ANK3: variants seen among roughly 807,000 people sequenced by gnomAD.
ANK3 encodes the protein ankyrin-3.
Under a neutral mutation model 370.9 loss-of-function variants are expected in ANK3, and 57 were observed. The ratio of observed to expected loss-of-function variants is 0.15; its 90% confidence interval spans 0.12 to 0.19. The LOEUF (loss-of-function observed/expected upper bound fraction) is 0.19. Among genes scored for constraint, ANK3 ranks in the 10% least tolerant of loss-of-function variants. ANK3 has a pLI of 1.00. For missense variants in ANK3, 4,439 were observed against 5,302.1 expected (o/e 0.84, Z 5.06); for synonymous variants, 1,929 against 1,946.3 (o/e 0.99, Z 0.23).
At chr10:60,322,782 G>A (rs1429526314) in intron 1 of ANK3, among the ~76,000 whole-genome samples, 4 of 151,154 alleles carry the variant, frequency 2.6e-5, no homozygotes, top group African/African-American at 4.9e-5. Flanking sequence ...CTATTCCAGA[G>A]GGTGAAAACC....
At chr10:60,542,460 G>A (rs7074073) in intron 2 of ANK3, among the ~76,000 whole-genome samples, 102,260 of 151,600 alleles carry the variant, frequency 0.67, 34,953 homozygotes, top group South Asian at 0.87. Context: ...GTTTTATTTC[G>A]TTTTTGTTTT....
intron 25 of ANK3, among the ~76,000 whole-genome samples, chr10:60,126,284 T>C (rs180900260): frequency 8.8e-4 from 134 of 152,318 alleles, no homozygotes; most frequent in African/African-American, 3.0e-3. Context: ...TTCCTCTCTT[T>C]TCACAGATGC....
At chr10:60,459,060 G>A (rs1008268279) in intron 2 of ANK3, among the ~76,000 whole-genome samples, 4 of 152,102 alleles carry the variant, frequency 2.6e-5, no homozygotes, top group Admixed American at 1.3e-4. Flanking sequence ...ATCGAAATGA[G>A]TGATAGTGCA....
chr10:60,666,526 A>G (rs2078998220), intron 1 of ANK3, among the ~76,000 whole-genome samples: 1 of 152,158 alleles, frequency 6.6e-6, no homozygotes, highest in Non-Finnish European at 1.5e-5. Flanking sequence ...GTGTGAATGT[A>G]CTTAGTACCT....
chr10:60,043,700 G>A, intron 42 of ANK3: 1 of 985,430 alleles, frequency 1.0e-6, no homozygotes, highest in Non-Finnish European at 1.2e-6. Context: ...TGCTTTTGGA[G>A]TGCTCTCCGC....
chr10:60,414,383 C>T (rs2063618912), intron 2 of ANK3, among the ~76,000 whole-genome samples: 1 of 152,114 alleles, frequency 6.6e-6, no homozygotes, highest in African/African-American at 2.4e-5. Flanking sequence ...CAGGAATATA[C>T]AAAATTTCTC....
At chr10:60,313,186 G>A (rs1273693037) in intron 1 of ANK3, among the ~76,000 whole-genome samples, 3 of 152,152 alleles carry the variant, frequency 2.0e-5, no homozygotes, top group Admixed American at 6.5e-5. Flanking sequence ...AGGACCCTGC[G>A]GATAACATGA....
chr10:60,722,415 T>A (rs903349346), intron 1 of ANK3, among the ~76,000 whole-genome samples: 4 of 151,632 alleles, frequency 2.6e-5, no homozygotes, highest in African/African-American at 7.3e-5. Flanking sequence ...CTGCACTCCA[T>A]CCTGGGCAAC....
chr10:60,279,597 G>A lies in ANK3; in HGVS notation c.157C>T (p.His53Tyr). The change falls in exon 2 of 44, where the codon CAC (histidine) becomes TAC (tyrosine). Residue 53 changes from histidine (H) to tyrosine (Y), a missense_variant. Transcript: ENST00000280772. ...ASYLRAARAGHLEKALDYIKN... is the reference protein window; with the variant it reads ...ASYLRAARAGYLEKALDYIKN... ...ATGTAGTCGAGGGCCTTTTCAAGGTGTCCAGCTCGAGCTGCTCTTAAGTAA... is the reference window on the plus strand; with the variant it reads ...ATGTAGTCGAGGGCCTTTTCAAGGTATCCAGCTCGAGCTGCTCTTAAGTAA... 6.2e-7 allele frequency: 1 copy of A among 1,612,560 alleles called. No individual in the cohort carries two copies.
intron 6 of ANK3, 91 bp downstream of exon 6, chr10:60,263,744 A>G: frequency 7.0e-7 from 1 of 1,438,300 alleles, no homozygotes; most frequent in South Asian, 1.2e-5. Flanking sequence ...GGCATGGCAT[A>G]AGCTTGCGAA....
At chr10:60,263,471 C>T (rs2097839567) in intron 6 of ANK3, among the ~76,000 whole-genome samples, 1 of 152,182 alleles carries the variant, frequency 6.6e-6, no homozygotes, top group Admixed American at 6.5e-5. Flanking sequence ...GGGTATCAAC[C>T]AGAGGTTTGT....
intron 28 of ANK3, among the ~76,000 whole-genome samples, chr10:60,100,021 C>T (rs2090904252): frequency 6.6e-6 from 1 of 152,100 alleles, no homozygotes; most frequent in African/African-American, 2.4e-5. Context: ...TAATTTCTGG[C>T]AAATCCATAT....
At chr10:60,674,288 AG>A (rs145299149) in intron 1 of ANK3, among the ~76,000 whole-genome samples, 6,195 of 152,232 alleles carry the variant, frequency 0.041, 159 homozygotes, top group Middle Eastern at 0.071. Context: ...TAATTTATAA[AG>A]AAAAGAGGTT....
At chr10:60,397,622 T>C (rs893156823) in intron 2 of ANK3, among the ~76,000 whole-genome samples, 3 of 152,208 alleles carry the variant, frequency 2.0e-5, no homozygotes, top group Non-Finnish European at 4.4e-5. Flanking sequence ...TTCCTACTTG[T>C]CCTTGAACTT....
chr10:60,084,849 A>C lies in ANK3; in HGVS notation c.3846-19T>G. On this transcript the variant is annotated intron_variant, in intron 31 of 43. Coordinates refer to ENST00000280772, the MANE Select transcript of ANK3 (RefSeq NM_020987.5). ...CCAAAATCTGAGCAAAACAAAAAACAGAAGTATGAAAATGTGGCTATTTAA... is the reference window on the plus strand; with the variant it reads ...CCAAAATCTGAGCAAAACAAAAAACCGAAGTATGAAAATGTGGCTATTTAA... The C allele has an allele frequency of 6.7e-7, 1 of 1,500,504 alleles. No individual in the cohort carries two copies. The highest frequency in any genetic ancestry group is 8.9e-7 in the Non-Finnish European group (1 of 1,124,046). The allele number at this position is 1,500,504 out of a possible 1,614,324, so 92.9% of individuals were successfully genotyped here. A position where few individuals can be genotyped will look rare whatever the true frequency, so the allele number is the denominator to read the frequency against.
intron 1 of ANK3, among the ~76,000 whole-genome samples, chr10:60,626,946 A>G (rs2133335658): frequency 6.6e-6 from 1 of 152,220 alleles, no homozygotes; most frequent in African/African-American, 2.4e-5. Flanking sequence ...ATAGAGGTAA[A>G]AGCGGGATCA....
Position 60,074,800 on chromosome 10 carries a change from A to T in ANK3, c.6081T>A (p.Asp2027Glu). ...QVKAKAASEK[D>E]YNLTKVIDYL... ...AATCAATAACTTTGGTCAAGTTATA[A>T]TCCTTTTCGGAGGCGGCTTTTGCTT... The change falls in exon 37 of 44, where the codon GAT becomes GAA. Residue 2027 changes from aspartate (D) to glutamate (E), a missense_variant. Physicochemically the swap from Asp to Glu is conservative, Grantham distance 45 (BLOSUM62 2). Coordinates refer to ENST00000280772, the MANE Select transcript of ANK3 (RefSeq NM_020987.5). 1 of 1,614,090 alleles carries T rather than the reference A, an allele frequency of 6.2e-7. No homozygotes were observed. Among genetic ancestry groups the T allele is most frequent in the South Asian group, 1.1e-5 (1 of 91,020 alleles).
At chr10:60,665,980 G>C (rs377388589) in intron 1 of ANK3, among the ~76,000 whole-genome samples, 3 of 152,212 alleles carry the variant, frequency 2.0e-5, no homozygotes, top group African/African-American at 7.2e-5. Flanking sequence ...AAATGGTGCA[G>C]CTGCTGTTGA....
At chr10:60,172,221 G>A in intron 21 of ANK3, 87 bp downstream of exon 21, 1 of 1,028,232 alleles carries the variant, frequency 9.7e-7, no homozygotes, top group Non-Finnish European at 1.5e-6. Flanking sequence ...GTTTATGAAT[G>A]GGAAAAAATA....
Sources: allele counts gnomAD v4.1 joint callset (sites outside exome capture counted in the v4.1 genomes callset), GRCh38; gene constraint gnomAD v4.1.1; transcripts MANE v1.5; gene names NCBI Gene and HGNC (gene_info 2026-07-23, HGNC 2026-07-21).